Variants in TLE3 observed in about 807,000 individuals in gnomAD.
TLE3 encodes the protein transducin-like enhancer protein 3.
TLE3 carries 14 observed loss-of-function variants against 93.0 expected under a neutral mutation model. The observed-to-expected ratio is 0.15, with a 90% CI of 0.10 to 0.24. The LOEUF is 0.24. Among genes scored for constraint, TLE3 ranks in the 10% least tolerant of loss-of-function variants. The probability of loss-of-function intolerance (pLI) is 1.00; values close to 1 mark genes in which losing one functional copy is unlikely to be tolerated. For missense variants in TLE3, 693 were observed against 1,046.6 expected (o/e 0.66, Z 4.66); for synonymous variants, 451 against 425.0 (o/e 1.06, Z -0.75).
Position 70,049,862 on chromosome 15 carries a change from T to G in TLE3, c.*235A>C. On this transcript the variant is annotated 3_prime_UTR_variant, in exon 20 of 20. Transcript: ENST00000451782. ...TATTTGTAGCAACTGCCAGCATTGT[T>G]CAGGGGGAGGAGGAGGAGCAGAACC... 4.3e-6 allele frequency: 2 copies of G among 467,680 alleles called. No individual in the cohort carries two copies. Among genetic ancestry groups the G allele is most frequent in the Non-Finnish European group, 7.8e-6 (2 of 256,224 alleles). The allele number at this position is 467,680 out of a possible 1,614,324, so 29.0% of individuals were successfully genotyped here.
Position 70,096,853 on chromosome 15 carries a change from G to A in TLE3, c.-55C>T. On this transcript the variant is annotated 5_prime_UTR_variant, in exon 1 of 20. Transcript: ENST00000451782. ...TGGAAGCGCCGAGAGCCCGGGCCGG[G>A]GAGGTGCGGGGGAGGGGGGAGCCGA... The A allele has an allele frequency of 6.3e-7, 1 of 1,599,104 alleles. No homozygotes were observed. Among genetic ancestry groups the A allele is most frequent in the Non-Finnish European group, 8.5e-7 (1 of 1,174,324 alleles).
intron 4 of TLE3, among the ~76,000 whole-genome samples, chr15:70,093,923 T>C (rs1244824759): frequency 5.9e-5 from 9 of 152,136 alleles, no homozygotes; most frequent in African/African-American, 2.2e-4. Flanking sequence ...TCAGCTTCCT[T>C]CTCTGTAAAA....
At chr15:70,052,875 G>A (rs146396046) in intron 17 of TLE3, 9 of 314,308 alleles carry the variant, frequency 2.9e-5, no homozygotes, top group Middle Eastern at 8.9e-4. Flanking sequence ...TGTGAGTCGG[G>A]TTTATGGCTA....
In TLE3 at chr15:70,066,136, T is replaced by C; in HGVS notation, c.455A>G (p.Gln152Arg). The change falls in exon 7 of 20, where the codon CAG becomes CGG. Residue 152 changes from glutamine to arginine, a missense_variant. Coordinates refer to ENST00000451782, the MANE Select transcript of TLE3 (RefSeq NM_001105192.3). Reference sequence around the variant, plus strand: ...TGTCACTGGGGGGATTCCTGGAGGCTGGAGACCTGACGGGTGGGGTGGCAA... The same window carrying C: ...TGTCACTGGGGGGATTCCTGGAGGCCGGAGACCTGACGGGTGGGGTGGCAA... ...VQLPPHPSGL[Q>R]PPGIPPVTGS... The C allele has an allele frequency of 6.4e-7, 1 of 1,556,776 alleles. No individual in the cohort carries two copies. The highest frequency in any genetic ancestry group is 1.2e-5 in the South Asian group (1 of 81,924).
intron 9 of TLE3, among the ~76,000 whole-genome samples, chr15:70,059,802 T>A (rs2056343496): frequency 6.6e-6 from 1 of 152,198 alleles, no homozygotes; most frequent in Admixed American, 6.5e-5. Flanking sequence ...CCCAGCTGGT[T>A]TTACATCCAC....
intron 15 of TLE3, 26 bp downstream of exon 15, chr15:70,055,023 C>T (rs4777227): frequency 4.4e-6 from 7 of 1,573,950 alleles, no homozygotes; most frequent in African/African-American, 1.4e-5. Flanking sequence ...CAGCTGGAGG[C>T]GGCGCAGCAG....
Position 70,097,193 on chromosome 15 carries a change from G to C in TLE3, c.-395C>G. The C allele has an allele frequency of 7.3e-6, 3 of 410,180 alleles. No homozygotes were observed. The highest frequency in any genetic ancestry group is 1.3e-5 in the Non-Finnish European group (3 of 235,496). The allele number at this position is 410,180 out of a possible 1,614,324, so 25.4% of individuals were successfully genotyped here. A position where few individuals can be genotyped will look rare whatever the true frequency, so the allele number is the denominator to read the frequency against. Reference sequence around the variant, plus strand: ...AGGCCGGGGGCCCCTCCTGGGGCGAGCTCGGGCCCCCTCCGGGTCACTCAG... The same window carrying C: ...AGGCCGGGGGCCCCTCCTGGGGCGACCTCGGGCCCCCTCCGGGTCACTCAG... On this transcript the variant is annotated 5_prime_UTR_variant, in exon 1 of 20. Transcript: ENST00000451782.
chr15:70,059,427 C>G lies in TLE3; in HGVS notation c.748G>C (p.Val250Leu). 6.2e-7 allele frequency: 1 copy of G among 1,611,384 alleles called. No individual in the cohort carries two copies. The highest frequency in any genetic ancestry group is 1.1e-5 in the South Asian group (1 of 90,252). Residue 250 changes from valine (V) to leucine (L), a missense_variant, in exon 10 of 20, where the codon GTG (valine) becomes CTG (leucine). Transcript: ENST00000451782. ...GCCCATACCTCATTGGAAACATCCACCACCAGATCATCACTCTTGTCTCCA... is the reference window on the plus strand; with the variant it reads ...GCCCATACCTCATTGGAAACATCCAGCACCAGATCATCACTCTTGTCTCCA... ...SDGDKSDDLVVDVSNEDPATP... is the reference protein window; with the variant it reads ...SDGDKSDDLVLDVSNEDPATP...
chr15:70,061,034 G>T (rs2056440953), intron 8 of TLE3, among the ~76,000 whole-genome samples: 1 of 152,226 alleles, frequency 6.6e-6, no homozygotes, highest in Non-Finnish European at 1.5e-5. Context: ...GGAGGGATAA[G>T]TGGAATTTGC....
At chr15:70,082,620 C>T (rs985111798) in intron 4 of TLE3, among the ~76,000 whole-genome samples, 4 of 152,164 alleles carry the variant, frequency 2.6e-5, no homozygotes, top group Admixed American at 2.0e-4. Context: ...TTATGCCCTC[C>T]GAGGAAGCCT....
chr15:70,092,539 C>A (rs66844142), intron 4 of TLE3, among the ~76,000 whole-genome samples: 11,951 of 152,230 alleles, frequency 0.079, 619 homozygotes, highest in Admixed American at 0.14. Context: ...CACCTATAAA[C>A]AGGGGGCAAA....
chr15:70,070,092 G>T (rs1046169581), intron 6 of TLE3, among the ~76,000 whole-genome samples: 9 of 152,220 alleles, frequency 5.9e-5, no homozygotes, highest in African/African-American at 2.2e-4. Flanking sequence ...AATATGAAAG[G>T]AAGTCAATAA....
chr15:70,049,966 G>A lies in TLE3; in HGVS notation c.*131C>T, dbSNP rs983009747. The A allele has an allele frequency of 4.2e-5, 30 of 708,054 alleles. No homozygotes were observed. The highest frequency in any genetic ancestry group is 6.9e-5 in the Non-Finnish European group (28 of 407,666). The allele number at this position is 708,054 out of a possible 1,614,324, so 43.9% of individuals were successfully genotyped here. A position where few individuals can be genotyped will look rare whatever the true frequency, so the allele number is the denominator to read the frequency against. On this transcript the variant is annotated 3_prime_UTR_variant, in exon 20 of 20. Coordinates refer to ENST00000451782, the MANE Select transcript of TLE3 (RefSeq NM_001105192.3). ...GGGCACGTGCCCTCTCAGCCGGCCG[G>A]AGCGCAGCCCTGAACGCTCGGCTGC...
rs1049086336 is a variant in TLE3, at chr15:70,097,039, C to T, written c.-241G>A. Reference sequence around the variant, plus strand: ...GCGGGCGCCGGGGCCGGGCGGCGGGCGCGGGCTTTGTGCGCCTAGGGCTCG... The same window carrying T: ...GCGGGCGCCGGGGCCGGGCGGCGGGTGCGGGCTTTGTGCGCCTAGGGCTCG... On this transcript the variant is annotated 5_prime_UTR_variant, in exon 1 of 20. Coordinates refer to ENST00000451782, the MANE Select transcript of TLE3 (RefSeq NM_001105192.3). 1.8e-6 allele frequency: 1 copy of T among 560,290 alleles called. No homozygotes were observed. The highest frequency in any genetic ancestry group is 3.1e-6 in the Non-Finnish European group (1 of 326,282). 34.7% of individuals were successfully genotyped at this position (560,290 alleles called of 1,614,324 possible). A position where few individuals can be genotyped will look rare whatever the true frequency, so the allele number is the denominator to read the frequency against.
chr15:70,096,426 C>G, intron 1 of TLE3, 165 bp from the exon 2 acceptor site: 1 of 1,287,670 alleles, frequency 7.8e-7, no homozygotes, highest in Non-Finnish European at 1.0e-6. Context: ...GGGGGGCGCC[C>G]CATCTCTCCC....
At chr15:70,064,620 T>A (rs2056698301) in intron 7 of TLE3, 150 bp from the exon 8 acceptor site, 10 of 1,140,188 alleles carry the variant, frequency 8.8e-6, no homozygotes, top group Non-Finnish European at 1.3e-5. Flanking sequence ...CCTGGATTGC[T>A]GTCTCCGTGG....
intron 6 of TLE3, among the ~76,000 whole-genome samples, chr15:70,068,113 T>C (rs947671156): frequency 3.9e-5 from 6 of 152,240 alleles, no homozygotes; most frequent in African/African-American, 1.4e-4. Flanking sequence ...TAATTTTTAA[T>C]ATCTTATTAC....
intron 14 of TLE3, 59 bp from the exon 15 acceptor site, chr15:70,055,357 A>G: frequency 6.5e-7 from 1 of 1,527,650 alleles, no homozygotes; most frequent in Non-Finnish European, 8.8e-7. Context: ...GAGTTCCCAT[A>G]GGCCTGGCCC....
intron 4 of TLE3, among the ~76,000 whole-genome samples, chr15:70,083,018 A>G (rs1329485587): frequency 1.3e-5 from 2 of 152,222 alleles, no homozygotes; most frequent in Admixed American, 6.5e-5. Context: ...CCAACCCCAG[A>G]AACAGGTAGC....
Sources: gnomAD v4.1 joint callset for allele counts (sites outside exome capture counted in the v4.1 genomes callset) on GRCh38, gnomAD v4.1.1 for gene constraint, MANE v1.5 for transcripts, NCBI Gene and HGNC (gene_info 2026-07-23, HGNC 2026-07-21) for gene names.